Variants in SLC36A1 observed in about 807,000 individuals in gnomAD.
The protein encoded by SLC36A1 is proton-coupled amino acid transporter 1.
Under a neutral mutation model 47.5 loss-of-function variants are expected in SLC36A1, and 30 were observed. That is an observed-to-expected ratio of 0.63 (90% confidence interval 0.47 to 0.86). The LOEUF is 0.86. SLC36A1 is among the 40% of genes least tolerant of loss of function. The pLI is 0.00. For synonymous variants in SLC36A1, 255 were observed against 249.7 expected, an observed-to-expected ratio of 1.02 and a Z score of -0.20; for missense variants, 517 against 606.0, an observed-to-expected ratio of 0.85 and a Z score of 1.54.
chr5:151,517,557 T>TCACC, the SLC36A1 span: 2 of 1,598,920 alleles, frequency 1.3e-6, no homozygotes, highest in Non-Finnish European at 1.7e-6. Flanking sequence ...TCCTCATGCC[T>TCACC]CACCCCCTAC....
chr5:151,463,479 T>C (rs887388284), intron 2 of SLC36A1, 74 bp from the exon 3 acceptor site: 27 of 1,024,448 alleles, frequency 2.6e-5, no homozygotes, highest in Non-Finnish European at 3.9e-5. Context: ...AATAAGATAA[T>C]GCATATAAGC....
At chr5:151,403,048 C>G in the SLC36A1 span, among the ~76,000 whole-genome samples, 1,025 of 151,988 alleles carry the variant, frequency 6.7e-3, 4 homozygotes, top group South Asian at 0.01. Context: ...CTTCTGCTAG[C>G]TTTGGGGTTA....
the SLC36A1 span, among the ~76,000 whole-genome samples, chr5:151,427,335 T>C: frequency 6.6e-6 from 1 of 152,138 alleles, no homozygotes; most frequent in African/African-American, 2.4e-5. Context: ...CAAGGGTAAG[T>C]GCTTTTAGAG....
At chr5:151,442,770 C>T (rs943356561), upstream of SLC36A1, among the ~76,000 whole-genome samples, 2 of 152,054 alleles carry the variant, frequency 1.3e-5, no homozygotes, top group African/African-American at 4.8e-5. Flanking sequence ...ACTCTGTATC[C>T]TCTCAGCTGC....
chr5:151,383,674 G>C, the SLC36A1 span, among the ~76,000 whole-genome samples: 1 of 148,962 alleles, frequency 6.7e-6, no homozygotes, highest in Non-Finnish European at 1.5e-5. Flanking sequence ...CCAGGTTCAA[G>C]CAATTCTCCT....
the SLC36A1 span, chr5:151,505,067 A>G: frequency 6.4e-5 from 11 of 171,908 alleles, no homozygotes; most frequent in Non-Finnish European, 1.3e-4. Context: ...CCTGCTGCTC[A>G]CCTCTCAGCC....
chr5:151,421,835 C>T, the SLC36A1 span, among the ~76,000 whole-genome samples: 1 of 152,080 alleles, frequency 6.6e-6, no homozygotes, highest in African/African-American at 2.4e-5. Context: ...TGTGATCCAC[C>T]CGCCTCAGCC....
chr5:151,454,186 G>T (rs910574093), intron 1 of SLC36A1, among the ~76,000 whole-genome samples: 1 of 133,138 alleles, frequency 7.5e-6, no homozygotes, highest in Non-Finnish European at 1.5e-5. Flanking sequence ...TTTGGACTTT[G>T]TGTTCTGTTT....
In SLC36A1 at chr5:151,490,070, A is replaced by G. The variant is rs1759983362; in HGVS notation, c.*1816A>G. Reference sequence around the variant, plus strand: ...CCAGGTGAAGGGATGGGAAAAGTGGACTCTCATTGTAGTGACTCCCAACCT... The same window carrying G: ...CCAGGTGAAGGGATGGGAAAAGTGGGCTCTCATTGTAGTGACTCCCAACCT... On this transcript the variant is annotated 3_prime_UTR_variant, in exon 11 of 11. Transcript: ENST00000243389. The G allele has an allele frequency of 6.6e-6, 1 of 152,062 alleles. No individual in the cohort carries two copies. The highest frequency in any genetic ancestry group is 2.1e-4 in the South Asian group (1 of 4,818). 9.4% of individuals were successfully genotyped at this position (152,062 alleles called of 1,614,324 possible).
the SLC36A1 span, among the ~76,000 whole-genome samples, chr5:151,350,675 C>G: frequency 6.6e-6 from 1 of 151,974 alleles, no homozygotes; most frequent in Non-Finnish European, 1.5e-5. Flanking sequence ...GCTGGAAGAA[C>G]ATAATATCAG....
At chr5:151,540,471 A>G in the SLC36A1 span, 5 of 999,926 alleles carry the variant, frequency 5.0e-6, no homozygotes, top group Non-Finnish European at 7.0e-6. Context: ...CTGCCCCTCA[A>G]TCTCCCTTCT....
the SLC36A1 span, chr5:151,526,074 T>C: frequency 9.8e-7 from 1 of 1,021,864 alleles, no homozygotes; most frequent in East Asian, 2.6e-5. Flanking sequence ...CTCTGACTGC[T>C]TGTAGATGGT....
chr5:151,484,467 G>A (rs756784063), intron 10 of SLC36A1, among the ~76,000 whole-genome samples: 2 of 152,206 alleles, frequency 1.3e-5, no homozygotes, highest in Non-Finnish European at 2.9e-5. Flanking sequence ...AGGACGTGGT[G>A]CTTCCCAGTT....
At chr5:151,350,097 A>G in the SLC36A1 span, among the ~76,000 whole-genome samples, 3 of 151,636 alleles carry the variant, frequency 2.0e-5, no homozygotes, top group African/African-American at 7.3e-5. Flanking sequence ...TACCTGGATG[A>G]AAATTCATCA....
At chr5:151,433,605 T>TA (rs1759590549), upstream of SLC36A1, among the ~76,000 whole-genome samples, 1 of 151,826 alleles carries the variant, frequency 6.6e-6, no homozygotes, top group Non-Finnish European at 1.5e-5. Context: ...TAACATATTT[T>TA]AAAAAAATTC....
upstream of SLC36A1, among the ~76,000 whole-genome samples, chr5:151,444,337 T>G (rs1752797258): frequency 6.6e-6 from 1 of 152,224 alleles, no homozygotes. Context: ...CTTCTTCAAT[T>G]TATTTAATCA....
At chr5:151,502,995 C>T in the SLC36A1 span, among the ~76,000 whole-genome samples, 5 of 148,130 alleles carry the variant, frequency 3.4e-5, 1 homozygote, top group African/African-American at 1.1e-4. Context: ...GAAAAAGCTA[C>T]GTATCATATG....
intron 7 of SLC36A1, 34 bp from the exon 8 acceptor site, chr5:151,473,639 T>C (rs746308924): frequency 7.9e-6 from 4 of 509,422 alleles, no homozygotes; most frequent in South Asian, 4.2e-5. Flanking sequence ...AGCCTTTTGC[T>C]TTGTTTTGCT....
chr5:151,486,588 C>T (rs958066658), intron 10 of SLC36A1, among the ~76,000 whole-genome samples: 2 of 152,254 alleles, frequency 1.3e-5, no homozygotes, highest in African/African-American at 4.8e-5. Context: ...CTGCCTTGGA[C>T]TGAGATGTTC....
Sources: gnomAD v4.1 joint callset for allele counts (sites outside exome capture counted in the v4.1 genomes callset) on GRCh38, gnomAD v4.1.1 for gene constraint, MANE v1.5 for transcripts, NCBI Gene and HGNC (gene_info 2026-07-23, HGNC 2026-07-21) for gene names.